CRTC1: variants seen among roughly 807,000 people sequenced by gnomAD.
CRTC1 encodes CREB regulated transcription coactivator 1.
In CRTC1, 18 loss-of-function variants were observed where a neutral mutation model predicts 66.1. The ratio of observed to expected loss-of-function variants is 0.27; its 90% CI spans 0.19 to 0.40. CRTC1 has a LOEUF of 0.40. Ranked by LOEUF, CRTC1 falls within the 10% of genes least tolerant of loss-of-function variation. CRTC1 has a pLI of 1.00. For missense variants in CRTC1, 669 were observed against 887.9 expected, an observed-to-expected ratio of 0.75 and a Z score of 3.13; for synonymous variants, 416 against 398.8, an observed-to-expected ratio of 1.04 and a Z score of -0.51.
At chr19:18,737,260 G>C (rs1045416619) in intron 1 of CRTC1, among the ~76,000 whole-genome samples, 1 of 151,512 alleles carries the variant, frequency 6.6e-6, no homozygotes, top group African/African-American at 2.4e-5. Flanking sequence ...GGGTCAGGTG[G>C]GGGGGTAGGA....
Position 18,768,597 on chromosome 19 carries a change from C to G in CRTC1, c.1124C>G (p.Pro375Arg). The G allele has an allele frequency of 6.5e-7, 1 of 1,549,088 alleles. No individual in the cohort carries two copies. The highest frequency in any genetic ancestry group is 2.4e-5 in the East Asian group (1 of 42,168). ...CCCCAGCCCCCGCCGCCTCCTCCAC[C>G]CGCGTCCCAGCAGCCACCACCCCCG... ...PQPQPPPPPPPASQQPPPPPP... is the reference protein window; with the variant it reads ...PQPQPPPPPPRASQQPPPPPP... Residue 375 changes from proline (P) to arginine (R), a missense_variant, in exon 10 of 14, where the codon CCC (proline) becomes CGC (arginine). Pro to Arg is a moderately radical substitution (Grantham distance 103). This residue lies in a region of CRTC1 where 241 missense variants were observed against 242.2 expected (regional missense o/e 0.99). Coordinates refer to ENST00000321949, the MANE Select transcript of CRTC1 (RefSeq NM_015321.3). The surrounding 1 kb of genome is among the most constrained non-coding windows in gnomAD (Gnocchi z 5.6).
chr19:18,770,463 G>A (rs1016905138), intron 10 of CRTC1, among the ~76,000 whole-genome samples: 3 of 152,350 alleles, frequency 2.0e-5, no homozygotes, highest in Middle Eastern at 6.8e-3. Flanking sequence ...AGACCTGCTG[G>A]GCTGCAGACT....
chr19:18,719,310 A>G (rs928169767), intron 1 of CRTC1, among the ~76,000 whole-genome samples: 1 of 152,160 alleles, frequency 6.6e-6, no homozygotes, highest in Non-Finnish European at 1.5e-5. Context: ...ATGGTGAGAC[A>G]GGCAAGGGCT....
intron 1 of CRTC1, among the ~76,000 whole-genome samples, chr19:18,740,660 T>C (rs1278390952): frequency 6.6e-6 from 1 of 152,128 alleles, no homozygotes; most frequent in Non-Finnish European, 1.5e-5. Context: ...TTAACCCTTT[T>C]GCTGTACAAC....
In CRTC1 at chr19:18,743,667, A is replaced by G. The variant is rs570051994; in HGVS notation, c.243+641A>G. Among the ~76,000 whole-genome samples, 306 of 151,884 alleles carry G rather than the reference A, an allele frequency of 2.0e-3. 2 individuals carry two copies. Among genetic ancestry groups the G allele is most frequent in the African/African-American group, 7.1e-3 (294 of 41,376 alleles). On this transcript the variant is annotated intron_variant, in intron 2 of 13. Coordinates refer to ENST00000321949, the MANE Select transcript of CRTC1 (RefSeq NM_015321.3). Reference sequence around the variant, plus strand: ...CACCTACTCTGTGGCTGAGAAAACCACCTCGGACACAGCCATGGCCACTGA... The same window carrying G: ...CACCTACTCTGTGGCTGAGAAAACCGCCTCGGACACAGCCATGGCCACTGA...
In CRTC1 at chr19:18,779,984, G is replaced by A. The variant is rs1300862645; in HGVS notation, c.*2602G>A. ...GGGTCTGTATCACGGCCTTTTGTGT[G>A]TGCGTACGTGTGGTTTTTTTAAATA... On this transcript the variant is annotated 3_prime_UTR_variant, in exon 14 of 14. Transcript: ENST00000321949. 3 of 228,988 alleles carry A rather than the reference G, an allele frequency of 1.3e-5. No homozygotes were observed. The highest frequency in any genetic ancestry group is 2.6e-5 in the Non-Finnish European group (3 of 115,418). The allele number at this position is 228,988 out of a possible 1,614,324, so 14.2% of individuals were successfully genotyped here.
At chr19:18,695,300 C>T (rs993588988) in intron 1 of CRTC1, among the ~76,000 whole-genome samples, 6 of 152,182 alleles carry the variant, frequency 3.9e-5, no homozygotes, top group East Asian at 1.9e-4. Flanking sequence ...CCACTGCGCC[C>T]GGCCTGGGGA....
At chr19:18,708,093 C>T (rs115405707) in intron 1 of CRTC1, among the ~76,000 whole-genome samples, 140 of 152,120 alleles carry the variant, frequency 9.2e-4, no homozygotes, top group African/African-American at 3.3e-3. Context: ...TCCGAGTTGC[C>T]GGTGCAAGAG....
At chr19:18,758,935 C>T (rs183599405) in intron 6 of CRTC1, among the ~76,000 whole-genome samples, 559 of 152,322 alleles carry the variant, frequency 3.7e-3, no homozygotes, top group African/African-American at 0.013. Context: ...CACTTAGCCT[C>T]GGGTACCAGG....
In CRTC1 at chr19:18,768,595, A is replaced by G; in HGVS notation, c.1122A>G (p.Pro374=). The change falls in exon 10 of 14, where the codon CCA becomes CCG. Residue 374 remains proline (P), a synonymous_variant. Coordinates refer to ENST00000321949, the MANE Select transcript of CRTC1 (RefSeq NM_015321.3). This position sits in a 1 kb window ranked among gnomAD's most constrained non-coding sequence, Gnocchi z 5.6. Reference sequence around the variant, plus strand: ...AGCCCCAGCCCCCGCCGCCTCCTCCACCCGCGTCCCAGCAGCCACCACCCC... The same window carrying G: ...AGCCCCAGCCCCCGCCGCCTCCTCCGCCCGCGTCCCAGCAGCCACCACCCC... ...PPQPQPPPPP[P]PASQQPPPPP... is the part of the protein sequence containing the mutation. 1.4e-6 allele frequency: 2 copies of G among 1,476,678 alleles called. No homozygotes were observed. The highest frequency in any genetic ancestry group is 2.5e-5 in the East Asian group (1 of 39,540). 91.5% of individuals were successfully genotyped at this position (1,476,678 alleles called of 1,614,324 possible). A position where few individuals can be genotyped will look rare whatever the true frequency, so the allele number is the denominator to read the frequency against.
intron 1 of CRTC1, among the ~76,000 whole-genome samples, chr19:18,717,540 T>G (rs1416632021): frequency 1.3e-5 from 2 of 152,144 alleles, no homozygotes; most frequent in African/African-American, 4.8e-5. Flanking sequence ...CAGGAGCCTG[T>G]GTTTCTGCCT....
chr19:18,716,261 T>C (rs1270560048), intron 1 of CRTC1, among the ~76,000 whole-genome samples: 1 of 151,888 alleles, frequency 6.6e-6, no homozygotes, highest in Non-Finnish European at 1.5e-5. Flanking sequence ...ATGACTCTTT[T>C]TTTTTTTTTG....
chr19:18,732,994 G>C (rs533231878), intron 1 of CRTC1, among the ~76,000 whole-genome samples: 2 of 151,986 alleles, frequency 1.3e-5, no homozygotes, highest in African/African-American at 4.8e-5. Context: ...GGCTGAGGCA[G>C]GAGGATCATT....
In CRTC1 at chr19:18,777,911, C is replaced by T; in HGVS notation, c.*529C>T. 1 of 260,292 alleles carries T rather than the reference C, an allele frequency of 3.8e-6. No individual in the cohort carries two copies. The highest frequency in any genetic ancestry group is 7.3e-6 in the Non-Finnish European group (1 of 137,244). The allele number at this position is 260,292 out of a possible 1,614,324, so 16.1% of individuals were successfully genotyped here. The stretch of plus-strand genomic sequence containing the variant: ...CCGCCCCAGGGAGGAGGCGCCAGAG[C>T]GCGGGGCAGACGCAAAGTGAAATAA... On this transcript the variant is annotated 3_prime_UTR_variant, in exon 14 of 14. Transcript: ENST00000321949. This position sits in a 1 kb window ranked among gnomAD's most constrained non-coding sequence, Gnocchi z 5.5.
chr19:18,736,082 C>G (rs186788283), intron 1 of CRTC1, among the ~76,000 whole-genome samples: 2 of 152,158 alleles, frequency 1.3e-5, no homozygotes, highest in African/African-American at 4.8e-5. Context: ...CTGGGCTTCA[C>G]GCCAGCAGCA....
In CRTC1 at chr19:18,768,426, G is replaced by C. The variant is rs1351284091; in HGVS notation, c.1012-59G>C. ...TGAGCATGCCAGGCTATGGGGGCCCGAGGGGGCCAGGCGCTGACAACCAGG... is the reference window on the plus strand; with the variant it reads ...TGAGCATGCCAGGCTATGGGGGCCCCAGGGGGCCAGGCGCTGACAACCAGG... On this transcript the variant is annotated intron_variant, in intron 9 of 13. Transcript: ENST00000321949. This position sits in a 1 kb window ranked among gnomAD's most constrained non-coding sequence, Gnocchi z 5.6. 2.7e-6 allele frequency: 4 copies of C among 1,474,508 alleles called. No homozygotes were observed. The highest frequency in any genetic ancestry group is 3.7e-6 in the Non-Finnish European group (4 of 1,075,364). 91.3% of individuals were successfully genotyped at this position (1,474,508 alleles called of 1,614,324 possible). A position where few individuals can be genotyped will look rare whatever the true frequency, so the allele number is the denominator to read the frequency against.
chr19:18,765,649 A>G (rs547951141), intron 9 of CRTC1, 121 bp downstream of exon 9: 1 of 954,036 alleles, frequency 1.0e-6, no homozygotes, highest in African/African-American at 1.7e-5. Context: ...AATGCTCCCA[A>G]CACTTTTAGT....
At chr19:18,689,844 C>G (rs1310950878) in intron 1 of CRTC1, among the ~76,000 whole-genome samples, 2 of 151,622 alleles carry the variant, frequency 1.3e-5, no homozygotes, top group Non-Finnish European at 2.9e-5. Context: ...TTTCTCAGAG[C>G]ATGTGCTGGG....
Position 18,756,937 on chromosome 19 carries a change from A to G in CRTC1, c.625-2614A>G, listed in dbSNP as rs186574630. Among the ~76,000 whole-genome samples, 261 of 152,310 alleles carry G rather than the reference A, an allele frequency of 1.7e-3. 7 individuals carry two copies. The East Asian group carries it at 0.044, about 26-fold the overall frequency. ...GAAGCGAATGTTTACTCTCAGAATG[A>G]AGGAGGCTCTGGCCAAGCAGAAACC... On this transcript the variant is annotated intron_variant, in intron 6 of 13. Coordinates refer to ENST00000321949, the MANE Select transcript of CRTC1 (RefSeq NM_015321.3).
Sources: allele counts gnomAD v4.1 joint callset (sites outside exome capture counted in the v4.1 genomes callset), GRCh38; gene constraint gnomAD v4.1.1; regional missense constraint gnomAD v4.1.1; non-coding constraint Gnocchi (gnomAD v3.1); transcripts MANE v1.5; gene names NCBI Gene and HGNC (gene_info 2026-07-23, HGNC 2026-07-21).